Variants in CILK1 observed in about 807,000 individuals in gnomAD.
CILK1 encodes serine/threonine-protein kinase ICK.
CILK1 carries 47 observed loss-of-function variants against 79.2 expected under a neutral mutation model. The observed-to-expected ratio is 0.59, with a 90% confidence interval of 0.47 to 0.76. The LOEUF is 0.76. Ranked by LOEUF, CILK1 falls within the 30% of genes least tolerant of loss-of-function variation. The probability of loss-of-function intolerance (pLI) is 0.00; values close to 1 mark genes in which losing one functional copy is unlikely to be tolerated. For synonymous variants in CILK1, 266 were observed against 275.9 expected (o/e 0.96, Z 0.36); for missense variants, 660 against 769.5 (o/e 0.86, Z 1.68).
chr6:53,014,037 G>C, intron 8 of CILK1, 55 bp from the exon 9 acceptor site: 1 of 1,354,480 alleles, frequency 7.4e-7, no homozygotes, highest in Non-Finnish European at 1.1e-6. Flanking sequence ...AGTTACCACT[G>C]TCTTGATTAC....
chr6:53,011,907 C>T lies in CILK1; in HGVS notation c.1354G>A (p.Val452Ile). 1 of 1,614,190 alleles carries T rather than the reference C, an allele frequency of 6.2e-7. No homozygotes were observed. Residue 452 changes from valine (V) to isoleucine (I), a missense_variant, in exon 11 of 14, where the codon GTT becomes ATT. Val to Ile is a conservative substitution (Grantham distance 29). Coordinates refer to ENST00000676107, the MANE Select transcript of CILK1 (RefSeq NM_014920.5). ...GGCTCAGAGGGCTTCAGGTCCAAAA[C>T]ACTCTCAAACCTGAATGAAGAGAGC... Reference protein sequence around the residue: ...SDDTLCRFESVLDLKPSEPVG... With the variant: ...SDDTLCRFESILDLKPSEPVG...
At chr6:53,049,039 G>T (rs1384411968) in intron 1 of CILK1, among the ~76,000 whole-genome samples, 2 of 152,216 alleles carry the variant, frequency 1.3e-5, no homozygotes. Flanking sequence ...CAGCTCTAAA[G>T]ATGAGAATCC....
Position 53,023,043 on chromosome 6 carries a change from C to T in CILK1, c.359-3684G>A, listed in dbSNP as rs548066715. Reference sequence around the variant, plus strand: ...CTGCCTCCTGGGTTCACGCCATTCTCCTGCCTCAGCCTCCTGAGTAGCTAG... The same window carrying T: ...CTGCCTCCTGGGTTCACGCCATTCTTCTGCCTCAGCCTCCTGAGTAGCTAG... On this transcript the variant is annotated intron_variant, in intron 5 of 13. Coordinates refer to ENST00000676107, the MANE Select transcript of CILK1 (RefSeq NM_014920.5). Among the ~76,000 whole-genome samples the T allele has an allele frequency of 5.0e-4, 76 of 151,912 alleles. 1 individual carries two copies. The highest frequency in any genetic ancestry group is 8.7e-4 in the Non-Finnish European group (59 of 67,998).
chr6:53,014,025 A>C (rs374160011), intron 8 of CILK1, 43 bp from the exon 9 acceptor site: 4 of 1,481,776 alleles, frequency 2.7e-6, no homozygotes, highest in Non-Finnish European at 3.8e-6. Flanking sequence ...TCTAGCCAGG[A>C]AAGTTACCAC....
At chr6:53,016,350 T>C in intron 7 of CILK1, 100 bp from the exon 8 acceptor site, 1 of 1,137,574 alleles carries the variant, frequency 8.8e-7, no homozygotes, top group African/African-American at 1.5e-5. Context: ...AACCATGTCA[T>C]TACCCACCCA....
At chr6:53,043,769 G>C (rs374144047) in intron 1 of CILK1, among the ~76,000 whole-genome samples, 11 of 151,726 alleles carry the variant, frequency 7.2e-5, no homozygotes, top group Admixed American at 3.9e-4. Flanking sequence ...TGGATGGGAG[G>C]GGGGAAGCAG....
chr6:53,007,252 T>G (rs1764283101), intron 12 of CILK1, among the ~76,000 whole-genome samples: 2 of 152,234 alleles, frequency 1.3e-5, no homozygotes, highest in African/African-American at 2.4e-5. Context: ...CAGAGCTTTT[T>G]CAGCAATTGT....
At chr6:53,007,930 A>G (rs1405338940) in intron 12 of CILK1, among the ~76,000 whole-genome samples, 1 of 151,924 alleles carries the variant, frequency 6.6e-6, no homozygotes, top group East Asian at 1.9e-4. Flanking sequence ...ACAGAGCAAG[A>G]CTGCGTCTTA....
At chr6:53,044,742 G>T (rs570618507) in intron 1 of CILK1, among the ~76,000 whole-genome samples, 1 of 152,128 alleles carries the variant, frequency 6.6e-6, no homozygotes, top group African/African-American at 2.4e-5. Flanking sequence ...TACAGAGGTC[G>T]TAAGGGTAGG....
At chr6:53,045,411 G>A (rs929119235) in intron 1 of CILK1, among the ~76,000 whole-genome samples, 4 of 152,054 alleles carry the variant, frequency 2.6e-5, no homozygotes, top group African/African-American at 4.8e-5. Context: ...GTACAATGGC[G>A]CCAAAGCTAC....
At chr6:53,023,909 T>C (rs541164286) in intron 5 of CILK1, among the ~76,000 whole-genome samples, 1 of 152,242 alleles carries the variant, frequency 6.6e-6, no homozygotes, top group East Asian at 1.9e-4. Context: ...TAGAACCCAG[T>C]AAATACAGAA....
chr6:53,035,484 G>A (rs1766269602), intron 3 of CILK1, among the ~76,000 whole-genome samples: 1 of 152,144 alleles, frequency 6.6e-6, no homozygotes, highest in South Asian at 2.1e-4. Flanking sequence ...ACAGCATAGT[G>A]CCATGTAAGA....
chr6:53,019,831 TG>T lies in CILK1; in HGVS notation c.359-473del, dbSNP rs1422553425. On this transcript the variant is annotated intron_variant, in intron 5 of 13. Coordinates refer to ENST00000676107, the MANE Select transcript of CILK1 (RefSeq NM_014920.5). The stretch of plus-strand genomic sequence containing the variant: ...AACCATGGTGCCTGGCTAGTTTTTT[TG>T]TTTTTTTTTTTTTTGTTTTTGTAAA... Among the ~76,000 whole-genome samples, 23 of 134,446 alleles carry T rather than the reference TG, an allele frequency of 1.7e-4. 1 individual carries two copies. The Middle Eastern group carries it at 0.017, about 97-fold the overall frequency. 88.2% of individuals were successfully genotyped at this position (134,446 alleles called of 152,430 possible).
At chr6:53,050,836 A>AT (rs1040450667) in intron 1 of CILK1, among the ~76,000 whole-genome samples, 2 of 152,006 alleles carry the variant, frequency 1.3e-5, no homozygotes, top group African/African-American at 4.8e-5. Flanking sequence ...TCAAAAAAAA[A>AT]TTTTTTTTAA....
chr6:53,046,821 T>C (rs1581756060), intron 1 of CILK1, among the ~76,000 whole-genome samples: 1 of 152,280 alleles, frequency 6.6e-6, no homozygotes, highest in Non-Finnish European at 1.5e-5. Flanking sequence ...GAAACTGCTA[T>C]GAGAATGCAG....
intron 5 of CILK1, among the ~76,000 whole-genome samples, chr6:53,029,068 G>GA (rs912260668): frequency 2.0e-5 from 3 of 151,966 alleles, no homozygotes; most frequent in Non-Finnish European, 4.4e-5. Flanking sequence ...TGAGAAAGAA[G>GA]AAAAAACCAA....
At chr6:53,033,818 C>T (rs919739497) in intron 3 of CILK1, among the ~76,000 whole-genome samples, 1 of 152,160 alleles carries the variant, frequency 6.6e-6, no homozygotes, top group African/African-American at 2.4e-5. Flanking sequence ...TCAGTTACTT[C>T]AAGCAGCTGG....
chr6:53,012,847 G>T (rs185317894), intron 9 of CILK1, among the ~76,000 whole-genome samples: 1 of 152,162 alleles, frequency 6.6e-6, no homozygotes, highest in Non-Finnish European at 1.5e-5. Context: ...ATAAAGGATA[G>T]ACAGTTGGCC....
intron 13 of CILK1, 35 bp downstream of exon 13, chr6:53,006,280 G>T: frequency 6.2e-7 from 1 of 1,602,768 alleles, no homozygotes; most frequent in Non-Finnish European, 8.5e-7. Context: ...ACCATTTGTT[G>T]AGTAAATTCA....
Sources: gnomAD v4.1 joint callset for allele counts (sites outside exome capture counted in the v4.1 genomes callset) on GRCh38, gnomAD v4.1.1 for gene constraint, MANE v1.5 for transcripts, NCBI Gene and HGNC (gene_info 2026-07-23, HGNC 2026-07-21) for gene names.